The following ASTN1 variants were observed in gnomAD, a reference collection of about 807,000 sequenced individuals.
ASTN1 encodes astrotactin 1, also known as astrotactin-1.
In ASTN1, 41 loss-of-function variants were observed where a neutral mutation model predicts 140.7. The ratio of observed to expected loss-of-function variants is 0.29; its 90% CI spans 0.23 to 0.38. ASTN1 has a LOEUF of 0.38. Among genes scored for constraint, ASTN1 ranks in the 10% least tolerant of loss-of-function variants. The pLI, the probability that ASTN1 is intolerant of heterozygous loss-of-function variation, is 1.00. For missense variants in ASTN1, 1,479 were observed against 1,678.8 expected (o/e 0.88, Z 2.08); for synonymous variants, 640 against 652.2 (o/e 0.98, Z 0.29).
At chr1:177,101,115 A>C (rs1024494842) in intron 1 of ASTN1, among the ~76,000 whole-genome samples, 2 of 152,156 alleles carry the variant, frequency 1.3e-5, no homozygotes, top group African/African-American at 2.4e-5. Context: ...AATTTAAAAA[A>C]GTGAAAACCT....
At chr1:176,910,454 T>C (rs1670186123) in intron 16 of ASTN1, among the ~76,000 whole-genome samples, 1 of 152,234 alleles carries the variant, frequency 6.6e-6, no homozygotes, top group Non-Finnish European at 1.5e-5. Flanking sequence ...ACTCACAAGA[T>C]ACGATGCTGG....
chr1:177,068,111 GA>G (rs1278678063), intron 1 of ASTN1, among the ~76,000 whole-genome samples: 9 of 152,178 alleles, frequency 5.9e-5, no homozygotes, highest in Non-Finnish European at 1.3e-4. Context: ...CAGCAATATG[GA>G]AAACAGCATA....
At chr1:176,989,898 A>C (rs1674078804) in intron 8 of ASTN1, among the ~76,000 whole-genome samples, 1 of 151,846 alleles carries the variant, frequency 6.6e-6, no homozygotes, top group Non-Finnish European at 1.5e-5. Flanking sequence ...ATCCAGCCTG[A>C]ATGCTTCTTA....
chr1:176,927,166 A>G (rs560309386), intron 16 of ASTN1, among the ~76,000 whole-genome samples: 3 of 152,340 alleles, frequency 2.0e-5, no homozygotes, highest in Admixed American at 2.0e-4. Context: ...TCAGAGGGAC[A>G]GCAAGTCATT....
chr1:176,884,201 C>T, intron 19 of ASTN1, 138 bp downstream of exon 19: 1 of 974,314 alleles, frequency 1.0e-6, no homozygotes, highest in Non-Finnish European at 1.5e-6. Flanking sequence ...AGAAGAACAG[C>T]TTCTTCTTCT....
At chr1:177,033,372 G>C (rs372429042) in intron 2 of ASTN1, among the ~76,000 whole-genome samples, 1 of 152,272 alleles carries the variant, frequency 6.6e-6, no homozygotes, top group African/African-American at 2.4e-5. Flanking sequence ...TACGTCATCT[G>C]TATAATGGAG....
chr1:176,884,293 T>G, intron 19 of ASTN1, 46 bp downstream of exon 19: 1 of 1,580,568 alleles, frequency 6.3e-7, no homozygotes. Flanking sequence ...TGTTTTAGTT[T>G]TATCACCTTG....
At chr1:177,055,089 C>T (rs2102021031) in intron 2 of ASTN1, among the ~76,000 whole-genome samples, 1 of 152,278 alleles carries the variant, frequency 6.6e-6, no homozygotes, top group South Asian at 2.1e-4. Flanking sequence ...AACTAAAAAG[C>T]CTGACCAGTG....
At chr1:176,943,347 A>C (rs1347619906) in intron 14 of ASTN1, among the ~76,000 whole-genome samples, 2 of 152,146 alleles carry the variant, frequency 1.3e-5, no homozygotes. Flanking sequence ...ACTGAGGGGC[A>C]GGCATTATTA....
intron 7 of ASTN1, among the ~76,000 whole-genome samples, chr1:177,017,681 G>A (rs1675627156): frequency 6.6e-6 from 1 of 152,174 alleles, no homozygotes; most frequent in Non-Finnish European, 1.5e-5. Context: ...TGGTACGGAG[G>A]AGAGCCCAGC....
rs140252442 is a variant in ASTN1, at chr1:176,958,231, C to A, written c.1736+114G>T. On this transcript the variant is annotated intron_variant, in intron 10 of 22. Transcript: ENST00000361833. Reference sequence around the variant, plus strand: ...TAGGGGGAATTTGCAGGCTGCCTGCCAATTTTTCCTTTTAGCTTGTTGGGA... The same window carrying A: ...TAGGGGGAATTTGCAGGCTGCCTGCAAATTTTTCCTTTTAGCTTGTTGGGA... The A allele has an allele frequency of 5.4e-4, 827 of 1,524,396 alleles. 8 individuals are homozygous for A. In the East Asian group the frequency reaches 0.011, roughly 20 times the overall value. 94.4% of individuals were successfully genotyped at this position (1,524,396 alleles called of 1,614,324 possible).
At chr1:177,132,683 A>G (rs1681997667) in intron 1 of ASTN1, among the ~76,000 whole-genome samples, 1 of 152,178 alleles carries the variant, frequency 6.6e-6, no homozygotes. Flanking sequence ...CCTGACAGAA[A>G]AAACAGAGCT....
chr1:177,043,748 G>A (rs1677082118), intron 2 of ASTN1, among the ~76,000 whole-genome samples: 1 of 152,202 alleles, frequency 6.6e-6, no homozygotes, highest in South Asian at 2.1e-4. Flanking sequence ...GGGCTGAGAG[G>A]AGACGCTGAC....
Position 176,862,652 on chromosome 1 carries a change from A to T in ASTN1, c.*1632T>A. The T allele has an allele frequency of 1.1e-6, 1 of 948,626 alleles. No individual in the cohort carries two copies. The highest frequency in any genetic ancestry group is 1.3e-6 in the Non-Finnish European group (1 of 796,586). 58.8% of individuals were successfully genotyped at this position (948,626 alleles called of 1,614,324 possible). On this transcript the variant is annotated 3_prime_UTR_variant, in exon 23 of 23. Coordinates refer to ENST00000361833, the MANE Select transcript of ASTN1 (RefSeq NM_004319.3). ...AAACTCAGTGTGAGTTACAGTGCACAAGGGATTTGAGGCAAGTTGTATAAC... is the reference window on the plus strand; with the variant it reads ...AAACTCAGTGTGAGTTACAGTGCACTAGGGATTTGAGGCAAGTTGTATAAC...
chr1:177,035,255 G>C (rs1676655667), intron 2 of ASTN1, among the ~76,000 whole-genome samples: 1 of 152,274 alleles, frequency 6.6e-6, no homozygotes, highest in South Asian at 2.1e-4. Flanking sequence ...ATATTCTTAA[G>C]CACTAGCCTG....
At chr1:177,135,064 G>C (rs906257611) in intron 1 of ASTN1, among the ~76,000 whole-genome samples, 2 of 152,092 alleles carry the variant, frequency 1.3e-5, no homozygotes, top group Admixed American at 1.3e-4. Flanking sequence ...AGGATTCTAA[G>C]AGAAGTTTTT....
rs1429439753 is a variant in ASTN1 at position 176,957,781 on chromosome 1, A to C, written c.1784T>G (p.Leu595Ter). 1 of 1,613,906 alleles carries C rather than the reference A, an allele frequency of 6.2e-7. No individual in the cohort carries two copies. Among genetic ancestry groups the C allele is most frequent in the Non-Finnish European group, 8.5e-7 (1 of 1,179,996 alleles). Residue 595 changes from leucine to a stop codon, truncating the protein, a stop_gained, in exon 11 of 23, where the codon TTA becomes TGA. Transcript: ENST00000361833. LOFTEE classifies it high-confidence loss of function. ...SSSFDSLEVL[L>*]DSFGPVRDCS... ...GTCGCGCACCGGCCCAAAGGAATCT[A>C]AGAGAACCTCCAGGCTGTCGAAGGA...
chr1:177,020,628 C>T (rs1014481204), intron 7 of ASTN1, among the ~76,000 whole-genome samples: 2 of 152,250 alleles, frequency 1.3e-5, no homozygotes, highest in Non-Finnish European at 2.9e-5. Flanking sequence ...ATATGCATCA[C>T]TAATTCTCCT....
chr1:177,058,195 G>A (rs1339976964), intron 2 of ASTN1, among the ~76,000 whole-genome samples: 6 of 152,110 alleles, frequency 3.9e-5, no homozygotes, highest in Admixed American at 3.9e-4. Context: ...GGAGCGGGTA[G>A]GGAGGAAATA....
Sources: allele counts gnomAD v4.1 joint callset (sites outside exome capture counted in the v4.1 genomes callset), GRCh38; gene constraint gnomAD v4.1.1; transcripts MANE v1.5; gene names NCBI Gene and HGNC (gene_info 2026-07-23, HGNC 2026-07-21).